FAT1: variants seen among roughly 807,000 people sequenced by gnomAD.
FAT1 encodes the protein protocadherin Fat 1.
Under a neutral mutation model 329.8 loss-of-function variants are expected in FAT1, and 171 were observed. That is an observed-to-expected ratio of 0.52 (90% CI 0.46 to 0.59). The LOEUF is 0.59. Among genes scored for constraint, FAT1 ranks in the 20% least tolerant of loss-of-function variants. FAT1 has a pLI of 0.00. For synonymous variants in FAT1, 2,233 were observed against 2,228.6 expected, an observed-to-expected ratio of 1.00 and a Z score of -0.06; for missense variants, 5,672 against 5,774.4, an observed-to-expected ratio of 0.98 and a Z score of 0.57.
chr4:186,613,135 CTT>C lies in FAT1; in HGVS notation c.9435_9436del (p.Arg3146SerfsTer20). 1.2e-6 allele frequency: 2 copies of C among 1,612,536 alleles called. No individual in the cohort carries two copies. Among genetic ancestry groups the C allele is most frequent in the Non-Finnish European group, 8.5e-7 (1 of 1,179,786 alleles). On this transcript the variant is annotated frameshift_variant, in exon 13 of 27. Transcript: ENST00000441802. LOFTEE classifies it high-confidence loss of function. The stretch of plus-strand genomic sequence containing the variant: ...TGCGTCGGCATCTGTGGCCTGCACT[CTT>C]GTCAGCAGCGTTCCCGGCTCTGTGT...
At position 186,620,794 on chromosome 4, in the gene FAT1, T is replaced by C. The variant is rs569584484; in HGVS notation, c.5792A>G (p.Tyr1931Cys). The C allele has an allele frequency of 2.5e-6, 4 of 1,614,052 alleles. No homozygotes were observed. Among genetic ancestry groups the C allele is most frequent in the Admixed American group, 1.7e-5 (1 of 60,024 alleles). Residue 1931 changes from tyrosine to cysteine, a missense_variant, in exon 10 of 27, where the codon TAC becomes TGC. Physicochemically the swap from Tyr to Cys is radical, Grantham distance 194. This residue lies in a region of FAT1 where 3,966 missense variants were observed against 3,915.2 expected (regional missense o/e 1.01). Coordinates refer to ENST00000441802, the MANE Select transcript of FAT1 (RefSeq NM_005245.4). ...TTGGACAGTGAGAGCACCAGTCTTG[T>C]AGTCCATAGAAAACTTCTCCCCGAT... Reference protein sequence around the residue: ...GNIGEKFSMDYKTGALTVQNT... With the variant: ...GNIGEKFSMDCKTGALTVQNT...
intron 2 of FAT1, among the ~76,000 whole-genome samples, chr4:186,695,391 G>C (rs1421135296): frequency 6.6e-6 from 1 of 152,124 alleles, no homozygotes; most frequent in East Asian, 1.9e-4. Context: ...GAAACAAAGA[G>C]GAACCCGCAT....
chr4:186,712,576 C>T (rs1326292065), intron 1 of FAT1, among the ~76,000 whole-genome samples: 1 of 152,082 alleles, frequency 6.6e-6, no homozygotes, highest in Non-Finnish European at 1.5e-5. Flanking sequence ...CAGAGTATAT[C>T]CGATGCTGAT....
In FAT1 at chr4:186,620,909, A is replaced by G. The variant is rs2126520364; in HGVS notation, c.5677T>C (p.Tyr1893His). 6.2e-7 allele frequency: 1 copy of G among 1,614,032 alleles called. No homozygotes were observed. The highest frequency in any genetic ancestry group is 8.5e-7 in the Non-Finnish European group (1 of 1,179,884). Residue 1893 changes from tyrosine to histidine, a missense_variant, in exon 10 of 27, where the codon TAC (tyrosine) becomes CAC (histidine). This residue lies in a region of FAT1 where 3,966 missense variants were observed against 3,915.2 expected (regional missense o/e 1.01). Coordinates refer to ENST00000441802, the MANE Select transcript of FAT1 (RefSeq NM_005245.4). ...ACTGTGATGACTTTTACTCCTTTGT[A>G]TGTTGGTAACAAAAGAGATGCTTCA... The part of the protein sequence containing the change: ...LYEASLLLPT[Y>H]KGVKVITVNA...
chr4:186,687,096 T>C (rs776450495), intron 2 of FAT1, among the ~76,000 whole-genome samples: 1 of 152,130 alleles, frequency 6.6e-6, no homozygotes, highest in Non-Finnish European at 1.5e-5. Context: ...GAAATAAGCC[T>C]CAATATGCAC....
At position 186,663,667 on chromosome 4, in the gene FAT1, GC is replaced by G. The variant is rs1471638084; in HGVS notation, c.3266-55del. ...AGCACATCAACGACCAAAACTGCCA[GC>G]TTCAGAAAGTGTCAACAACTACGGC... On this transcript the variant is annotated intron_variant, in intron 2 of 26. Coordinates refer to ENST00000441802, the MANE Select transcript of FAT1 (RefSeq NM_005245.4). 2.8e-6 allele frequency: 4 copies of G among 1,411,150 alleles called. No homozygotes were observed. In the African/African-American group the frequency reaches 5.7e-5, roughly 20 times the overall value. The allele number at this position is 1,411,150 out of a possible 1,614,324, so 87.4% of individuals were successfully genotyped here. A position where few individuals can be genotyped will look rare whatever the true frequency, so the allele number is the denominator to read the frequency against.
At chr4:186,713,592 C>T (rs565922117) in intron 1 of FAT1, among the ~76,000 whole-genome samples, 6 of 152,110 alleles carry the variant, frequency 3.9e-5, no homozygotes, top group Non-Finnish European at 8.8e-5. Flanking sequence ...CAGAGAGTTT[C>T]GCTACTCAAA....
chr4:186,659,435 T>C (rs1005115062), intron 3 of FAT1, among the ~76,000 whole-genome samples: 3 of 152,234 alleles, frequency 2.0e-5, no homozygotes, highest in African/African-American at 7.2e-5. Context: ...AAGAAACAAG[T>C]GGGCCCACTT....
rs373225972 is a variant in FAT1, at chr4:186,628,164, C to A, written c.4800G>T (p.Ser1600=). The A allele has an allele frequency of 8.7e-6, 14 of 1,613,652 alleles. No homozygotes were observed. Among genetic ancestry groups the A allele is most frequent in the Non-Finnish European group, 1.2e-5 (14 of 1,179,760 alleles). ...AGGCTCCAAAAGTACCTGACTCGAT[C>A]GAGTACAGCACTTCAGCATTTTTCC... The part of the protein sequence containing the change: ...DKGKNAEVLY[S]IESGNIGNSF... Residue 1600 remains serine (S), a synonymous_variant, in exon 9 of 27, where the codon TCG becomes TCT. Coordinates refer to ENST00000441802, the MANE Select transcript of FAT1 (RefSeq NM_005245.4).
chr4:186,718,867 C>T (rs551692004), intron 1 of FAT1, among the ~76,000 whole-genome samples: 1 of 152,066 alleles, frequency 6.6e-6, no homozygotes, highest in African/African-American at 2.4e-5. Context: ...CCTGGCAGAA[C>T]AGCCGTTCCC....
intron 1 of FAT1, among the ~76,000 whole-genome samples, chr4:186,716,546 GC>G (rs1561017842): frequency 6.6e-6 from 1 of 151,806 alleles, no homozygotes; most frequent in African/African-American, 2.4e-5. Context: ...TCCCGCCTCC[GC>G]CTCCGGGGTA....
In FAT1 at chr4:186,708,734, A is replaced by T. The variant is rs2126698663; in HGVS notation, c.1094T>A (p.Val365Asp). 1 of 1,613,948 alleles carries T rather than the reference A, an allele frequency of 6.2e-7. No individual in the cohort carries two copies. Among genetic ancestry groups the T allele is most frequent in the South Asian group, 1.1e-5 (1 of 91,080 alleles). Residue 365 changes from valine to aspartate, a missense_variant, in exon 2 of 27, where the codon GTC becomes GAC. Transcript: ENST00000441802. ...VTSPQFKAGP[V>D]KFEKDVYRAE... ...TCTGTAAACATCCTTTTCAAACTTG[A>T]CTGGCCCGGCTTTGAACTGTGGAGA...
At position 186,645,366 on chromosome 4, in the gene FAT1, C is replaced by CAT. The variant is rs70964973; in HGVS notation, c.3581-5585_3581-5584dup. On this transcript the variant is annotated intron_variant, in intron 3 of 26. Coordinates refer to ENST00000441802, the MANE Select transcript of FAT1 (RefSeq NM_005245.4). Reference sequence around the variant, plus strand: ...TTATGCTTTAATAGATACTTCATTACATATATATATATATATATATATATA... The same window carrying CAT: ...TTATGCTTTAATAGATACTTCATTACATATATATATATATATATATATATATA... Among the ~76,000 whole-genome samples the CAT allele has an allele frequency of 2.0e-3, 70 of 35,426 alleles. 1 individual carries two copies. Among genetic ancestry groups the CAT allele is most frequent in the Non-Finnish European group, 3.1e-3 (53 of 17,098 alleles). 23.2% of individuals were successfully genotyped at this position (35,426 alleles called of 152,430 possible). A position where few individuals can be genotyped will look rare whatever the true frequency, so the allele number is the denominator to read the frequency against.
In FAT1 at chr4:186,603,942, C is replaced by T. The variant is rs1263326190; in HGVS notation, c.10584G>A (p.Leu3528=). The T allele has an allele frequency of 2.5e-6, 4 of 1,613,704 alleles. No individual in the cohort carries two copies. In the South Asian group the frequency reaches 4.4e-5, roughly 18 times the overall value. ...ADNGKPQLSS[L]TYIDIRVIEE... is the part of the protein sequence containing the mutation. Reference sequence around the variant, plus strand: ...CAATTACCCTAATGTCAATGTATGTCAAAGATGACAACTGAGGCTTTCCAT... The same window carrying T: ...CAATTACCCTAATGTCAATGTATGTTAAAGATGACAACTGAGGCTTTCCAT... Residue 3528 remains leucine, a synonymous_variant, in exon 19 of 27, where the codon TTG becomes TTA. Transcript: ENST00000441802.
Position 186,603,650 on chromosome 4 carries a change from C to A in FAT1, c.10876G>T (p.Asp3626Tyr), listed in dbSNP as rs753458608. Residue 3626 changes from aspartate (D) to tyrosine (Y), a missense_variant, in exon 19 of 27, where the codon GAC becomes TAC. Coordinates refer to ENST00000441802, the MANE Select transcript of FAT1 (RefSeq NM_005245.4). Reference protein sequence around the residue: ...VTDGKFTTVADITVHIRQVTQ... With the variant: ...VTDGKFTTVAYITVHIRQVTQ... ...ACTTGTCTGATATGCACTGTGATGTCGGCCACCGTCGTGAACTTCCCATCT... is the reference window on the plus strand; with the variant it reads ...ACTTGTCTGATATGCACTGTGATGTAGGCCACCGTCGTGAACTTCCCATCT... 1.7e-5 allele frequency: 27 copies of A among 1,613,848 alleles called. No homozygotes were observed. The highest frequency in any genetic ancestry group is 1.3e-4 in the East Asian group (6 of 44,886).
chr4:186,667,322 CG>C (rs1332787573), intron 2 of FAT1, among the ~76,000 whole-genome samples: 1 of 152,106 alleles, frequency 6.6e-6, no homozygotes, highest in Admixed American at 6.5e-5. Context: ...AGGGGATTGT[CG>C]GCCTCCCCGG....
In FAT1 at chr4:186,648,229, CTACTT is replaced by C. The variant is rs139538294; in HGVS notation, c.3581-8451_3581-8447del. 8.8e-3 allele frequency among the ~76,000 whole-genome samples: 1,337 copies of C among 152,216 alleles called. 24 individuals are homozygous for C. Among genetic ancestry groups the C allele is most frequent in the African/African-American group, 0.031 (1,280 of 41,548 alleles). Reference sequence around the variant, plus strand: ...AGACAGGAGAACTTCATTTTATACACTACTTTATTGTGGCCATCTTTAATCTTTAA... The same window carrying C: ...AGACAGGAGAACTTCATTTTATACACTATTGTGGCCATCTTTAATCTTTAA... On this transcript the variant is annotated intron_variant, in intron 3 of 26. Coordinates refer to ENST00000441802, the MANE Select transcript of FAT1 (RefSeq NM_005245.4).
At chr4:186,695,672 T>A (rs948359666) in intron 2 of FAT1, among the ~76,000 whole-genome samples, 2 of 151,978 alleles carry the variant, frequency 1.3e-5, no homozygotes, top group African/African-American at 4.8e-5. Context: ...CAGAGTCCAG[T>A]TTCAGCCTTA....
chr4:186,652,078 T>C (rs763776932), intron 3 of FAT1, among the ~76,000 whole-genome samples: 4 of 152,208 alleles, frequency 2.6e-5, no homozygotes, highest in African/African-American at 9.6e-5. Flanking sequence ...TAAAGTCACA[T>C]GGGGAGTCAT....
Sources: allele counts gnomAD v4.1 joint callset (sites outside exome capture counted in the v4.1 genomes callset), GRCh38; gene constraint gnomAD v4.1.1; regional missense constraint gnomAD v4.1.1; transcripts MANE v1.5; gene names NCBI Gene and HGNC (gene_info 2026-07-23, HGNC 2026-07-21).